SDK1: variants seen among roughly 807,000 people sequenced by gnomAD.
SDK1 encodes protein sidekick-1.
In SDK1, 157 loss-of-function variants were observed where a neutral mutation model predicts 245.5. The observed-to-expected ratio is 0.64, with a 90% CI of 0.56 to 0.73. The LOEUF (loss-of-function observed/expected upper bound fraction) is 0.73, where lower values mean the gene tolerates loss of function less well. Ranked by LOEUF, SDK1 falls within the 30% of genes least tolerant of loss-of-function variation. SDK1 has a pLI of 0.00. For synonymous variants in SDK1, 1,647 were observed against 1,278.5 expected, an observed-to-expected ratio of 1.29 and a Z score of -6.15; for missense variants, 3,583 against 3,002.3, an observed-to-expected ratio of 1.19 and a Z score of -4.52.
chr7:3,876,304 A>G (rs1340863839), intron 5 of SDK1, among the ~76,000 whole-genome samples: 3 of 152,342 alleles, frequency 2.0e-5, no homozygotes, highest in African/African-American at 7.2e-5. Context: ...TCTTTGGGGT[A>G]GAAATGTGTG....
In SDK1 at chr7:4,225,687, G is replaced by T. The variant is rs755558009; in HGVS notation, c.5827+4323G>T. On this transcript the variant is annotated intron_variant, in intron 40 of 44. Coordinates refer to ENST00000404826, the MANE Select transcript of SDK1 (RefSeq NM_152744.4). ...CGTGTCGGCGAGGGCTTCACACTGGGCCCACGCCTCAGAGTGGCTTGCCTA... is the reference window on the plus strand; with the variant it reads ...CGTGTCGGCGAGGGCTTCACACTGGTCCCACGCCTCAGAGTGGCTTGCCTA... Among the ~76,000 whole-genome samples the T allele has an allele frequency of 1.3e-3, 203 of 152,144 alleles. 4 individuals carry two copies. The highest frequency in any genetic ancestry group is 4.0e-4 in the Non-Finnish European group (27 of 68,032).
At chr7:3,412,366 C>T (rs1421106638) in intron 1 of SDK1, among the ~76,000 whole-genome samples, 1 of 152,172 alleles carries the variant, frequency 6.6e-6, no homozygotes, top group Non-Finnish European at 1.5e-5. Context: ...TATTCTTCTG[C>T]ACCTTGCCTT....
chr7:4,021,687 C>A (rs960392444), intron 17 of SDK1, among the ~76,000 whole-genome samples: 2 of 152,190 alleles, frequency 1.3e-5, no homozygotes, highest in African/African-American at 4.8e-5. Context: ...AACGAGTATG[C>A]CCACCTTTAA....
At chr7:3,878,380 G>C (rs891322142) in intron 5 of SDK1, among the ~76,000 whole-genome samples, 1 of 152,116 alleles carries the variant, frequency 6.6e-6, no homozygotes, top group African/African-American at 2.4e-5. Flanking sequence ...AATTAGCTGG[G>C]CATGGTGGCA....
At chr7:3,829,644 C>T (rs900110074) in intron 5 of SDK1, among the ~76,000 whole-genome samples, 1 of 152,150 alleles carries the variant, frequency 6.6e-6, no homozygotes, top group East Asian at 1.9e-4. Flanking sequence ...GAGGTCAAAA[C>T]GTGTCCAAGA....
chr7:4,156,864 C>G, intron 30 of SDK1, among the ~76,000 whole-genome samples: 1 of 152,086 alleles, frequency 6.6e-6, no homozygotes, highest in South Asian at 2.1e-4. Flanking sequence ...GGAGTGAGGA[C>G]AGAAGACTGG....
At chr7:3,403,640 G>C (rs1159653514) in intron 1 of SDK1, among the ~76,000 whole-genome samples, 1 of 151,216 alleles carries the variant, frequency 6.6e-6, no homozygotes, top group African/African-American at 2.4e-5. Context: ...AAGATATGGA[G>C]ACTCAGTATC....
intron 1 of SDK1, among the ~76,000 whole-genome samples, chr7:3,526,400 A>G (rs550364831): frequency 1.2e-4 from 18 of 152,302 alleles, no homozygotes; most frequent in Admixed American, 5.2e-4. Flanking sequence ...TTCTTTGTCT[A>G]TGATATATTA....
chr7:4,039,895 A>G (rs1788488848), intron 17 of SDK1, among the ~76,000 whole-genome samples: 1 of 150,940 alleles, frequency 6.6e-6, no homozygotes, highest in Non-Finnish European at 1.5e-5. Flanking sequence ...CTAATACCAG[A>G]TAATAATTAT....
chr7:4,005,705 A>G (rs1785434584), intron 14 of SDK1, among the ~76,000 whole-genome samples: 1 of 152,088 alleles, frequency 6.6e-6, no homozygotes, highest in Non-Finnish European at 1.5e-5. Context: ...AATATTATGT[A>G]TTAATAATAT....
chr7:3,619,037 T>C (rs1781854760), intron 1 of SDK1, 43 bp from the exon 2 acceptor site: 4 of 1,459,046 alleles, frequency 2.7e-6, no homozygotes, highest in Non-Finnish European at 3.7e-6. Flanking sequence ...GCCACTTTCA[T>C]GCGTACTTCA....
chr7:4,181,080 A>G (rs1782577297), intron 35 of SDK1, among the ~76,000 whole-genome samples: 2 of 152,150 alleles, frequency 1.3e-5, no homozygotes, highest in African/African-American at 2.4e-5. Context: ...CAGAAATCCC[A>G]TACCTATGAA....
chr7:4,090,041 A>G (rs1781686267), intron 22 of SDK1, among the ~76,000 whole-genome samples: 1 of 152,190 alleles, frequency 6.6e-6, no homozygotes, highest in African/African-American at 2.4e-5. Context: ...GTCCTAGGTG[A>G]CGCATTTTTG....
At chr7:3,934,380 C>A (rs776133539) in intron 5 of SDK1, among the ~76,000 whole-genome samples, 2 of 152,204 alleles carry the variant, frequency 1.3e-5, no homozygotes, top group Non-Finnish European at 2.9e-5. Context: ...ATTAAAGACA[C>A]TTTTCTAGTT....
intron 1 of SDK1, among the ~76,000 whole-genome samples, chr7:3,462,221 T>A (rs918063554): frequency 1.3e-5 from 2 of 152,108 alleles, no homozygotes; most frequent in Admixed American, 1.3e-4. Context: ...TCAGCAGCAT[T>A]CTTCACCGCT....
At chr7:3,579,131 A>G (rs1382582551) in intron 1 of SDK1, among the ~76,000 whole-genome samples, 1 of 152,020 alleles carries the variant, frequency 6.6e-6, no homozygotes, top group Non-Finnish European at 1.5e-5. Context: ...ACTATCTTCT[A>G]CTGAAACTAT....
At chr7:3,975,807 T>A (rs542558859) in intron 13 of SDK1, among the ~76,000 whole-genome samples, 48 of 152,332 alleles carry the variant, frequency 3.2e-4, no homozygotes, top group African/African-American at 1.2e-3. Context: ...CAGAGGTAAT[T>A]GTGGTTAGTT....
chr7:3,684,902 A>G (rs1164612097), intron 4 of SDK1, among the ~76,000 whole-genome samples: 2 of 152,182 alleles, frequency 1.3e-5, no homozygotes, highest in Non-Finnish European at 2.9e-5. Flanking sequence ...GACCGAATCC[A>G]TGAACTTGAG....
intron 5 of SDK1, among the ~76,000 whole-genome samples, chr7:3,938,024 A>G (rs887991801): frequency 1.3e-4 from 20 of 151,932 alleles, no homozygotes; most frequent in African/African-American, 3.9e-4. Context: ...TTTAGTAGAA[A>G]CGGGATTTCA....
Sources: gnomAD v4.1 joint callset for allele counts (sites outside exome capture counted in the v4.1 genomes callset) on GRCh38, gnomAD v4.1.1 for gene constraint, MANE v1.5 for transcripts, NCBI Gene and HGNC (gene_info 2026-07-23, HGNC 2026-07-21) for gene names.